The following CARMIL1 variants were observed in gnomAD, a reference collection of about 807,000 sequenced individuals.
CARMIL1 encodes the protein F-actin-uncapping protein LRRC16A.
Under a neutral mutation model 177.1 loss-of-function variants are expected in CARMIL1, and 90 were observed. That is an observed-to-expected ratio of 0.51 (90% confidence interval 0.43 to 0.61). The LOEUF is 0.61. Ranked by LOEUF, CARMIL1 falls within the 20% of genes least tolerant of loss-of-function variation. CARMIL1 has a pLI of 0.00. For missense variants in CARMIL1, 1,380 were observed against 1,667.0 expected (o/e 0.83, Z 3.00); for synonymous variants, 577 against 606.2 (o/e 0.95, Z 0.71).
chr6:25,297,696 G>A (rs769898869), intron 2 of CARMIL1, among the ~76,000 whole-genome samples: 8 of 152,316 alleles, frequency 5.3e-5, no homozygotes, highest in Non-Finnish European at 1.2e-4. Context: ...AATGAAAGTG[G>A]CATCTGTCTT....
intron 24 of CARMIL1, 132 bp downstream of exon 24, chr6:25,529,025 G>A (rs1218638423): frequency 5.9e-6 from 4 of 683,168 alleles, no homozygotes; most frequent in Non-Finnish European, 9.7e-6. Flanking sequence ...ACAAATCTAA[G>A]TAGAGTTTGA....
chr6:25,320,506 A>G (rs1164734108), intron 2 of CARMIL1, among the ~76,000 whole-genome samples: 1 of 152,286 alleles, frequency 6.6e-6, no homozygotes, highest in Non-Finnish European at 1.5e-5. Context: ...ATCATTTGCC[A>G]GGAACTGTTT....
At chr6:25,319,279 A>G (rs1475441548) in intron 2 of CARMIL1, among the ~76,000 whole-genome samples, 2 of 152,134 alleles carry the variant, frequency 1.3e-5, no homozygotes, top group Non-Finnish European at 2.9e-5. Flanking sequence ...CTGACTTTCT[A>G]TGAATGTTTG....
At chr6:25,518,951 A>G (rs1806276566) in intron 22 of CARMIL1, among the ~76,000 whole-genome samples, 1 of 152,216 alleles carries the variant, frequency 6.6e-6, no homozygotes, top group Admixed American at 6.5e-5. Context: ...AACAAAAACA[A>G]TTTTGCTAAA....
intron 27 of CARMIL1, among the ~76,000 whole-genome samples, chr6:25,553,413 G>T (rs1182568864): frequency 1.3e-5 from 2 of 152,148 alleles, no homozygotes; most frequent in African/African-American, 4.8e-5. Context: ...ACTTTTTGCT[G>T]TGTGGACAAC....
At chr6:25,485,497 T>C (rs1233809112) in intron 12 of CARMIL1, among the ~76,000 whole-genome samples, 1 of 152,236 alleles carries the variant, frequency 6.6e-6, no homozygotes, top group African/African-American at 2.4e-5. Flanking sequence ...CTCACTTGCA[T>C]GATCTTGGCT....
intron 2 of CARMIL1, among the ~76,000 whole-genome samples, chr6:25,362,800 C>T (rs1201418397): frequency 1.3e-5 from 2 of 152,170 alleles, no homozygotes; most frequent in Non-Finnish European, 2.9e-5. Context: ...TTTGGGAGGC[C>T]AAGGCAGGCA....
At chr6:25,380,851 G>C (rs1249185938) in intron 2 of CARMIL1, among the ~76,000 whole-genome samples, 1 of 147,232 alleles carries the variant, frequency 6.8e-6, no homozygotes, top group Non-Finnish European at 1.5e-5. Flanking sequence ...TGCCAGATGT[G>C]GACTCATGCC....
intron 24 of CARMIL1, among the ~76,000 whole-genome samples, chr6:25,536,659 A>G (rs775634020): frequency 2.0e-5 from 3 of 152,142 alleles, no homozygotes; most frequent in Admixed American, 6.5e-5. Flanking sequence ...AGAAAAAGGC[A>G]AGAGAGATGG....
intron 2 of CARMIL1, among the ~76,000 whole-genome samples, chr6:25,367,183 A>C (rs1789917914): frequency 6.6e-6 from 1 of 152,140 alleles, no homozygotes; most frequent in Admixed American, 6.5e-5. Context: ...GTGCTGCATA[A>C]CATTTACTTT....
intron 8 of CARMIL1, among the ~76,000 whole-genome samples, chr6:25,458,485 CAAAAAAAAA>C (rs750169275): frequency 1.5e-5 from 1 of 68,212 alleles, no homozygotes; most frequent in Non-Finnish European, 2.5e-5. Flanking sequence ...GACTCTGTCT[CAAAAAAAAA>C]AAAAAAAAAA....
At chr6:25,299,799 G>A (rs187088829) in intron 2 of CARMIL1, among the ~76,000 whole-genome samples, 3 of 151,762 alleles carry the variant, frequency 2.0e-5, no homozygotes, top group African/African-American at 4.8e-5. Flanking sequence ...CCAACATGGC[G>A]AAAACCCATC....
chr6:25,441,337 A>ATATATATATATATATATATATATATATG, intron 5 of CARMIL1, among the ~76,000 whole-genome samples: 2 of 94,532 alleles, frequency 2.1e-5, no homozygotes, highest in African/African-American at 8.7e-5. Flanking sequence ...ATATATATAT[A>ATATATATATATATATATATATATATATG]TGTGTGTGTG....
intron 2 of CARMIL1, among the ~76,000 whole-genome samples, chr6:25,417,346 C>T (rs914528957): frequency 2.0e-5 from 3 of 152,136 alleles, no homozygotes; most frequent in Admixed American, 6.6e-5. Flanking sequence ...TGTTATCCAA[C>T]CCTGTGTGTC....
intron 2 of CARMIL1, among the ~76,000 whole-genome samples, chr6:25,332,902 A>C (rs2690077): frequency 6.6e-6 from 1 of 151,984 alleles, no homozygotes; most frequent in Non-Finnish European, 1.5e-5. Flanking sequence ...CCTTTGTGCT[A>C]TAGTCTCCTG....
chr6:25,286,703 C>T (rs982145549), intron 2 of CARMIL1, among the ~76,000 whole-genome samples: 1 of 152,068 alleles, frequency 6.6e-6, no homozygotes, highest in African/African-American at 2.4e-5. Context: ...GTAGTGGTTG[C>T]TATGACAGTC....
In CARMIL1 at chr6:25,459,229, T is replaced by TCTTTCTTC. The variant is rs1391991336; in HGVS notation, c.615-6637_615-6636insCCTTTCTT. 7.0e-5 allele frequency among the ~76,000 whole-genome samples: 6 copies of TCTTTCTTC among 85,542 alleles called. 1 individual carries two copies. The highest frequency in any genetic ancestry group is 2.6e-4 in the African/African-American group (6 of 23,394). The allele number at this position is 85,542 out of a possible 152,430, so 56.1% of individuals were successfully genotyped here. A position where few individuals can be genotyped will look rare whatever the true frequency, so the allele number is the denominator to read the frequency against. On this transcript the variant is annotated intron_variant, in intron 8 of 36. Transcript: ENST00000329474. The stretch of plus-strand genomic sequence containing the variant: ...CCAACTTTTTCTTTCTTTCTTTCTT[T>TCTTTCTTC]CTTTCTTTCTTTCTTTCTTTCTTTC...
intron 5 of CARMIL1, among the ~76,000 whole-genome samples, chr6:25,437,223 A>T (rs1338216316): frequency 6.6e-6 from 1 of 152,218 alleles, no homozygotes; most frequent in Admixed American, 6.5e-5. Flanking sequence ...AAATAAAAAA[A>T]TTATTAAGCA....
chr6:25,472,919 C>T lies in CARMIL1; in HGVS notation c.874+398C>T, dbSNP rs1309822664. ...TGTCTCTCAAGACAAGGCAAGTTGT[C>T]AGCAAGGGTTGTGCTCTCATCTGTA... On this transcript the variant is annotated intron_variant, in intron 11 of 36. Transcript: ENST00000329474. Among the ~76,000 whole-genome samples, 6 of 152,124 alleles carry T rather than the reference C, an allele frequency of 3.9e-5. No homozygotes were observed. In the East Asian group the frequency reaches 7.7e-4, roughly 20 times the overall value.
Sources: allele counts gnomAD v4.1 joint callset (sites outside exome capture counted in the v4.1 genomes callset), GRCh38; gene constraint gnomAD v4.1.1; transcripts MANE v1.5; gene names NCBI Gene and HGNC (gene_info 2026-07-23, HGNC 2026-07-21).